NEMP1: variants seen among roughly 807,000 people sequenced by gnomAD.
NEMP1 encodes the protein transmembrane protein 194.
In NEMP1, 29 loss-of-function variants were observed where a neutral mutation model predicts 53.7. The observed-to-expected ratio is 0.54, with a 90% CI of 0.40 to 0.74. The LOEUF is 0.74. Among genes scored for constraint, NEMP1 ranks in the 30% least tolerant of loss-of-function variants. The pLI is 0.00. For missense variants in NEMP1, 477 were observed against 528.6 expected, an observed-to-expected ratio of 0.90 and a Z score of 0.96; for synonymous variants, 193 against 192.9, an observed-to-expected ratio of 1.00 and a Z score of 0.00.
chr12:57,073,292 C>T (rs965927154), intron 1 of NEMP1, among the ~76,000 whole-genome samples: 3 of 151,780 alleles, frequency 2.0e-5, no homozygotes, highest in African/African-American at 7.3e-5. Context: ...GCTGGGACTA[C>T]AGGCGCCCGC....
At chr12:57,070,632 T>C (rs1396020100) in intron 3 of NEMP1, 42 bp downstream of exon 3, 7 of 1,501,488 alleles carry the variant, frequency 4.7e-6, no homozygotes, top group South Asian at 1.2e-5. Flanking sequence ...ACTCAGTCCT[T>C]ATCACTACAG....
rs2136489741 is a variant in NEMP1 at position 57,064,668 on chromosome 12, A to C, written c.617T>G (p.Ile206Arg). The change falls in exon 5 of 9, where the codon ATA becomes AGA. Residue 206 changes from isoleucine to arginine, a missense_variant. By Grantham distance (97) the Ile-to-Arg change is moderately conservative. Transcript: ENST00000300128. ...TACCTTAGGCATAAACTTAGATAGT[A>C]TAAAAATGATGATTAGCAGAGAGGC... ...IVASLLIIIF[I>R]LSKFMPKKSP... 1 of 1,612,914 alleles carries C rather than the reference A, an allele frequency of 6.2e-7. No homozygotes were observed. The highest frequency in any genetic ancestry group is 1.7e-5 in the Admixed American group (1 of 59,890).
chr12:57,065,136 T>C (rs2032010420), intron 4 of NEMP1, among the ~76,000 whole-genome samples: 2 of 152,224 alleles, frequency 1.3e-5, no homozygotes, highest in Admixed American at 6.5e-5. Flanking sequence ...TTGATGGCTG[T>C]TGACTGATGA....
At chr12:57,087,447 TG>T (rs890294009) in intron 1 of NEMP1, among the ~76,000 whole-genome samples, 19 of 18,208 alleles carry the variant, frequency 1.0e-3, no homozygotes, top group African/African-American at 2.9e-3. Context: ...TAACCTGAGG[TG>T]GGGGGGGAGG....
At position 57,064,598 on chromosome 12, in the gene NEMP1, C is replaced by T. The variant is rs1053105718; in HGVS notation, c.639+48G>A. On this transcript the variant is annotated intron_variant, in intron 5 of 8. Coordinates refer to ENST00000300128, the MANE Select transcript of NEMP1 (RefSeq NM_001130963.2). The stretch of plus-strand genomic sequence containing the variant: ...AAGATTACCCAGGAAAACAGTCCTT[C>T]AGCTATCCAAATTCATTCTAGCTGC... The T allele has an allele frequency of 4.2e-6, 6 of 1,437,428 alleles. No individual in the cohort carries two copies. The African/African-American group carries it at 7.1e-5, about 17-fold the overall frequency. The allele number at this position is 1,437,428 out of a possible 1,614,324, so 89.0% of individuals were successfully genotyped here.
intron 1 of NEMP1, among the ~76,000 whole-genome samples, chr12:57,084,351 G>C (rs1324813974): frequency 6.6e-6 from 1 of 152,148 alleles, no homozygotes; most frequent in Non-Finnish European, 1.5e-5. Flanking sequence ...CTATTCCAGA[G>C]TTTTGAGAAG....
At chr12:57,078,540 C>G in intron 1 of NEMP1, 79 bp downstream of exon 1, 1 of 1,518,992 alleles carries the variant, frequency 6.6e-7, no homozygotes. Flanking sequence ...AGTAACGGCC[C>G]GCGCCCTCGG....
chr12:57,067,151 C>T (rs1426961552), intron 4 of NEMP1, among the ~76,000 whole-genome samples: 4 of 151,782 alleles, frequency 2.6e-5, no homozygotes, highest in African/African-American at 9.7e-5. Context: ...CGGTGAAACC[C>T]GTCTCTACTA....
chr12:57,078,542 C>A, intron 1 of NEMP1, 77 bp downstream of exon 1: 1 of 1,519,726 alleles, frequency 6.6e-7, no homozygotes, highest in Non-Finnish European at 8.8e-7. Context: ...TAACGGCCCG[C>A]GCCCTCGGGA....
chr12:57,064,264 T>A, intron 5 of NEMP1, 79 bp from the exon 6 acceptor site: 1 of 769,144 alleles, frequency 1.3e-6, no homozygotes, highest in Non-Finnish European at 2.0e-6. Flanking sequence ...GGAACTATGA[T>A]TTTTTTTTTA....
chr12:57,061,153 T>A (rs1030369906), intron 7 of NEMP1, among the ~76,000 whole-genome samples: 2 of 151,874 alleles, frequency 1.3e-5, no homozygotes, highest in Admixed American at 6.6e-5. Context: ...AGAGCGAGAC[T>A]CCATCTCAAA....
chr12:57,078,863 G>A (rs2032757934), upstream of NEMP1: 3 of 1,191,650 alleles, frequency 2.5e-6, no homozygotes, highest in East Asian at 2.5e-5. Flanking sequence ...GGATGGGCAG[G>A]GCTTCGAGCA....
At chr12:57,074,786 T>C (rs1430006344) in intron 1 of NEMP1, among the ~76,000 whole-genome samples, 3 of 152,176 alleles carry the variant, frequency 2.0e-5, no homozygotes, top group African/African-American at 7.2e-5. Context: ...TAATTCAAGA[T>C]TTAAAAGTGA....
intron 4 of NEMP1, among the ~76,000 whole-genome samples, chr12:57,065,784 A>G (rs182109180): frequency 1.1e-3 from 174 of 151,790 alleles, no homozygotes; most frequent in African/African-American, 4.0e-3. Context: ...TACAGGCCTG[A>G]GCCACCACGC....
chr12:57,071,678 T>G (rs1330233841), intron 2 of NEMP1, among the ~76,000 whole-genome samples: 1 of 152,156 alleles, frequency 6.6e-6, no homozygotes, highest in Non-Finnish European at 1.5e-5. Context: ...TGCGCCCGGC[T>G]TGTCAGACAT....
chr12:57,086,738 G>A (rs2033006427), intron 1 of NEMP1, among the ~76,000 whole-genome samples: 2 of 152,304 alleles, frequency 1.3e-5, no homozygotes, highest in Admixed American at 6.5e-5. Context: ...GGCGCTCTGG[G>A]CCTCTGGCGG....
At chr12:57,085,973 G>A (rs1322912124) in intron 1 of NEMP1, among the ~76,000 whole-genome samples, 3 of 152,204 alleles carry the variant, frequency 2.0e-5, no homozygotes, top group Non-Finnish European at 2.9e-5. Flanking sequence ...TCCTGGAGAG[G>A]TCCTGGATTT....
rs1388690207 is a variant in NEMP1 at position 57,064,241 on chromosome 12, A to G, written c.640-56T>C. On this transcript the variant is annotated intron_variant, in intron 5 of 8. Transcript: ENST00000300128. ...AGTTACAACAGGCTTTCCATACATAAAAGAAGCAAAATGGAACTATGATTT... is the reference window on the plus strand; with the variant it reads ...AGTTACAACAGGCTTTCCATACATAGAAGAAGCAAAATGGAACTATGATTT... The G allele has an allele frequency of 3.6e-6, 4 of 1,115,424 alleles. No homozygotes were observed. In the African/African-American group the frequency reaches 6.5e-5, roughly 18 times the overall value. The allele number at this position is 1,115,424 out of a possible 1,614,324, so 69.1% of individuals were successfully genotyped here.
chr12:57,085,932 AT>A (rs2032977205), intron 1 of NEMP1, among the ~76,000 whole-genome samples: 1 of 152,212 alleles, frequency 6.6e-6, no homozygotes, highest in Non-Finnish European at 1.5e-5. Flanking sequence ...CAATTTATTC[AT>A]TTCAGAGGGT....
Sources: gnomAD v4.1 joint callset for allele counts (sites outside exome capture counted in the v4.1 genomes callset) on GRCh38, gnomAD v4.1.1 for gene constraint, MANE v1.5 for transcripts, NCBI Gene and HGNC (gene_info 2026-07-23, HGNC 2026-07-21) for gene names.